COBL: variants seen among roughly 807,000 people sequenced by gnomAD.
COBL encodes cordon-bleu WH2 repeat protein, also known as protein cordon-bleu.
Under a neutral mutation model 98.8 loss-of-function variants are expected in COBL, and 51 were observed. That is an observed-to-expected ratio of 0.52 (90% CI 0.41 to 0.65). The LOEUF (loss-of-function observed/expected upper bound fraction) is 0.65. Ranked by LOEUF, COBL falls within the 30% of genes least tolerant of loss-of-function variation. The pLI, the probability that COBL is intolerant of heterozygous loss-of-function variation, is 0.00. For missense variants in COBL, 1,617 were observed against 1,617.5 expected (o/e 1.00, Z 0.01); for synonymous variants, 634 against 651.7 (o/e 0.97, Z 0.41).
chr7:51,198,540 T>C (rs1790805571), intron 2 of COBL, among the ~76,000 whole-genome samples: 1 of 152,250 alleles, frequency 6.6e-6, no homozygotes, highest in Non-Finnish European at 1.5e-5. Flanking sequence ...TTATTTCTTT[T>C]ACATTTTCCT....
chr7:51,277,023 T>G lies in COBL; in HGVS notation c.41+39570A>C, dbSNP rs368231458. On this transcript the variant is annotated intron_variant, in intron 1 of 12. Coordinates refer to ENST00000265136, the MANE Select transcript of COBL (RefSeq NM_015198.5). The stretch of plus-strand genomic sequence containing the variant: ...CCAGAAGACAATGACACAGCCCTCC[T>G]GTCCTCACACCAGCTCCACTGAGGC... Among the ~76,000 whole-genome samples, 28 of 152,272 alleles carry G rather than the reference T, an allele frequency of 1.8e-4. No individual in the cohort carries two copies. The East Asian group carries it at 5.0e-3, about 27-fold the overall frequency.
In COBL at chr7:51,088,004, A is replaced by G. The variant is rs151108500; in HGVS notation, c.958-2700T>C. Among the ~76,000 whole-genome samples, 35 of 152,096 alleles carry G rather than the reference A, an allele frequency of 2.3e-4. 1 individual carries two copies. In the East Asian group the frequency reaches 6.6e-3, roughly 29 times the overall value. The stretch of plus-strand genomic sequence containing the variant: ...TTACTCCACTGTCTCCTAGTTTGGA[A>G]CTGTTCAGCTGAGACACCCGGATCC... On this transcript the variant is annotated intron_variant, in intron 6 of 12. Coordinates refer to ENST00000265136, the MANE Select transcript of COBL (RefSeq NM_015198.5).
chr7:51,244,029 A>G (rs1796066441), intron 1 of COBL, among the ~76,000 whole-genome samples: 1 of 152,190 alleles, frequency 6.6e-6, no homozygotes, highest in South Asian at 2.1e-4. Flanking sequence ...AAGATAAACC[A>G]TCATGTGAAA....
At chr7:51,246,528 TG>T (rs1427373494) in intron 1 of COBL, among the ~76,000 whole-genome samples, 2 of 152,306 alleles carry the variant, frequency 1.3e-5, no homozygotes, top group Admixed American at 1.3e-4. Flanking sequence ...ACATCCCTGC[TG>T]GTCTGGCTGT....
At chr7:51,082,480 G>C (rs1412252131) in intron 7 of COBL, among the ~76,000 whole-genome samples, 2 of 152,216 alleles carry the variant, frequency 1.3e-5, no homozygotes, top group Non-Finnish European at 2.9e-5. Flanking sequence ...ATCTCAAACA[G>C]GGTGTGCCAG....
chr7:51,282,295 G>GA (rs1354920110), intron 1 of COBL, among the ~76,000 whole-genome samples: 26 of 151,958 alleles, frequency 1.7e-4, no homozygotes, highest in Admixed American at 1.6e-3. Context: ...CCAACTAAAA[G>GA]ACAGATATTA....
At chr7:51,143,221 TGTGTGACTGCTTGCG>T (rs1309201086) in intron 5 of COBL, among the ~76,000 whole-genome samples, 1 of 152,124 alleles carries the variant, frequency 6.6e-6, no homozygotes, top group Non-Finnish European at 1.5e-5. Context: ...TGTGTGTGTC[TGTGTGACTGCTTGCG>T]GTCAGATGCG....
chr7:51,140,948 G>T (rs1054588007), intron 5 of COBL, among the ~76,000 whole-genome samples: 5 of 152,048 alleles, frequency 3.3e-5, no homozygotes, highest in Non-Finnish European at 7.4e-5. Context: ...CAAAATTCTT[G>T]AAGATATCCT....
chr7:51,129,835 C>G (rs536514737), intron 6 of COBL, among the ~76,000 whole-genome samples: 2 of 152,238 alleles, frequency 1.3e-5, no homozygotes, highest in Admixed American at 6.5e-5. Flanking sequence ...GTGAGGCCAG[C>G]AGAGGCTTTA....
At chr7:51,099,717 T>C (rs1395942326) in intron 6 of COBL, among the ~76,000 whole-genome samples, 1 of 151,110 alleles carries the variant, frequency 6.6e-6, no homozygotes, top group Non-Finnish European at 1.5e-5. Flanking sequence ...ATACATTTCA[T>C]GCTATGTGGT....
chr7:51,244,049 C>T (rs1174067717), intron 1 of COBL, among the ~76,000 whole-genome samples: 1 of 152,074 alleles, frequency 6.6e-6, no homozygotes, highest in East Asian at 1.9e-4. Flanking sequence ...AATGCTTTCC[C>T]CATGTTGGTC....
chr7:51,189,359 C>T (rs1396288545), intron 4 of COBL, among the ~76,000 whole-genome samples: 2 of 152,096 alleles, frequency 1.3e-5, no homozygotes, highest in South Asian at 2.1e-4. Flanking sequence ...TATGGCCAGG[C>T]GCAGTGGCTC....
chr7:51,018,578 T>C (rs1418301145), intron 12 of COBL, among the ~76,000 whole-genome samples: 1 of 151,938 alleles, frequency 6.6e-6, no homozygotes, highest in Non-Finnish European at 1.5e-5. Flanking sequence ...TGTATCCCAA[T>C]ACAAATTCGT....
At chr7:51,025,404 G>GAGTGAAT (rs750705416) in intron 11 of COBL, 32 bp from the exon 12 acceptor site, 10 of 1,609,414 alleles carry the variant, frequency 6.2e-6, no homozygotes, top group Non-Finnish European at 7.6e-6. Flanking sequence ...GACTGCTATA[G>GAGTGAAT]AGTGAATGTC....
rs145662506 is a variant in COBL at position 51,202,309 on chromosome 7, T to C, written c.246-8720A>G. Among the ~76,000 whole-genome samples the C allele has an allele frequency of 1.8e-4, 27 of 152,310 alleles. No homozygotes were observed. In the East Asian group the frequency reaches 5.2e-3, roughly 29 times the overall value. On this transcript the variant is annotated intron_variant, in intron 2 of 12. Coordinates refer to ENST00000265136, the MANE Select transcript of COBL (RefSeq NM_015198.5). ...GAAGAAAAAAGATATTCATGCTAGT[T>C]TTGCAGTTGTGCCTCAATCTGCAAA...
At chr7:51,147,400 C>T (rs1384070964) in intron 5 of COBL, among the ~76,000 whole-genome samples, 5 of 152,220 alleles carry the variant, frequency 3.3e-5, no homozygotes, top group African/African-American at 1.2e-4. Flanking sequence ...AGGGTACACT[C>T]ACCAGCAGTT....
chr7:51,028,246 A>G lies in COBL; in HGVS notation c.2850T>C (p.Pro950=). 1 of 1,613,918 alleles carries G rather than the reference A, an allele frequency of 6.2e-7. No individual in the cohort carries two copies. Among genetic ancestry groups the G allele is most frequent in the Non-Finnish European group, 8.5e-7 (1 of 1,179,860 alleles). Residue 950 remains proline, a synonymous_variant, in exon 10 of 13, where the codon CCT becomes CCC. Transcript: ENST00000265136. The stretch of plus-strand genomic sequence containing the variant: ...TGTGTGGGCCAATGACCTCCCCCCT[A>G]GGAGGGGCTCCCACTGCCAAATCTT... ...HGEDLAVGAP[P]RGEVIGPHRK... is the part of the protein sequence containing the mutation.
At chr7:51,197,666 T>G (rs1790722296) in intron 2 of COBL, among the ~76,000 whole-genome samples, 1 of 152,190 alleles carries the variant, frequency 6.6e-6, no homozygotes, top group Non-Finnish European at 1.5e-5. Context: ...TGAAGGTCAT[T>G]AAGAAACTGC....
intron 6 of COBL, among the ~76,000 whole-genome samples, chr7:51,110,720 A>C (rs1388042589): frequency 6.6e-6 from 1 of 152,096 alleles, no homozygotes; most frequent in Admixed American, 6.5e-5. Context: ...CCCAAAGTCC[A>C]CTGTATCATT....
Sources: allele counts gnomAD v4.1 joint callset (sites outside exome capture counted in the v4.1 genomes callset), GRCh38; gene constraint gnomAD v4.1.1; transcripts MANE v1.5; gene names NCBI Gene and HGNC (gene_info 2026-07-23, HGNC 2026-07-21).